The following TUSC3 variants were observed in gnomAD, a reference collection of about 807,000 sequenced individuals.
TUSC3 encodes tumor suppressor candidate 3.
A neutral mutation model predicts 44.8 loss-of-function variants in TUSC3; 45 were observed. That is an observed-to-expected ratio of 1.00 (90% CI 0.79 to 1.29). TUSC3 has a LOEUF of 1.29. Ranked by LOEUF, TUSC3 falls within the 50% of genes most tolerant of loss-of-function variation. The pLI is 0.00. For synonymous variants in TUSC3, 212 were observed against 152.9 expected, an observed-to-expected ratio of 1.39 and a Z score of -2.85; for missense variants, 519 against 437.9, an observed-to-expected ratio of 1.19 and a Z score of -1.65.
At chr8:15,666,743 A>C (rs528932000) in intron 5 of TUSC3, among the ~76,000 whole-genome samples, 2 of 151,418 alleles carry the variant, frequency 1.3e-5, no homozygotes, top group Non-Finnish European at 3.0e-5. Context: ...TTTTTCAATG[A>C]AATAATGTTG....
At chr8:15,774,771 G>A in the TUSC3 span, among the ~76,000 whole-genome samples, 1 of 151,094 alleles carries the variant, frequency 6.6e-6, no homozygotes, top group Admixed American at 6.6e-5. Flanking sequence ...AAATCAAAAT[G>A]ACATATCACT....
intron 10 of TUSC3, among the ~76,000 whole-genome samples, chr8:15,758,645 G>A (rs1416345253): frequency 2.0e-5 from 3 of 152,052 alleles, no homozygotes; most frequent in Non-Finnish European, 2.9e-5. Flanking sequence ...GGAAGCTCCT[G>A]TGTTCCAAAA....
At chr8:15,629,617 G>T (rs1805670438) in intron 2 of TUSC3, among the ~76,000 whole-genome samples, 1 of 145,330 alleles carries the variant, frequency 6.9e-6, no homozygotes. Flanking sequence ...TGTACTTTTG[G>T]ACCACTTCTG....
intron 1 of TUSC3, among the ~76,000 whole-genome samples, chr8:15,604,841 A>T (rs981813037): frequency 6.6e-6 from 1 of 151,888 alleles, no homozygotes; most frequent in Non-Finnish European, 1.5e-5. Flanking sequence ...AGAATCTCCA[A>T]ACTTTATCTT....
chr8:15,829,237 A>C, the TUSC3 span, among the ~76,000 whole-genome samples: 1 of 152,208 alleles, frequency 6.6e-6, no homozygotes, highest in Non-Finnish European at 1.5e-5. Context: ...AAAATGTTGC[A>C]AAGAATCAAC....
chr8:15,849,556 C>G, the TUSC3 span, among the ~76,000 whole-genome samples: 1 of 152,266 alleles, frequency 6.6e-6, no homozygotes, highest in Non-Finnish European at 1.5e-5. Context: ...AAGAAAGCCA[C>G]CAGGAGTTAC....
chr8:15,754,740 T>C (rs138262207), intron 9 of TUSC3, among the ~76,000 whole-genome samples: 276 of 152,192 alleles, frequency 1.8e-3, no homozygotes, highest in African/African-American at 6.5e-3. Context: ...TACAGGACTG[T>C]ATCCATAATT....
At chr8:15,418,033 C>T (rs767676830) in intron 1 of TUSC3, among the ~76,000 whole-genome samples, 23 of 152,084 alleles carry the variant, frequency 1.5e-4, no homozygotes, top group Admixed American at 5.9e-4. Context: ...TCCCAGGTTC[C>T]GTTAGATAGA....
chr8:15,794,552 T>A, the TUSC3 span, among the ~76,000 whole-genome samples: 1 of 152,188 alleles, frequency 6.6e-6, no homozygotes, highest in Non-Finnish European at 1.5e-5. Flanking sequence ...GCCATTAGAT[T>A]CCTTGTTAGA....
chr8:15,658,639 TAC>T (rs57739356), intron 3 of TUSC3, among the ~76,000 whole-genome samples: 420 of 148,628 alleles, frequency 2.8e-3, no homozygotes, highest in East Asian at 0.017. Flanking sequence ...CACATATATA[TAC>T]ACACACACAC....
intron 6 of TUSC3, among the ~76,000 whole-genome samples, chr8:15,680,470 C>T (rs1395293470): frequency 2.6e-5 from 4 of 151,940 alleles, no homozygotes; most frequent in Non-Finnish European, 5.9e-5. Context: ...TTACTGAAAT[C>T]GTTTATAAAG....
rs562075213 is a variant in TUSC3 at position 15,508,294 on chromosome 8, A to C, written n.189+24811A>C. Among the ~76,000 whole-genome samples the C allele has an allele frequency of 1.1e-4, 16 of 152,076 alleles. 1 individual carries two copies. The highest frequency in any genetic ancestry group is 3.9e-4 in the African/African-American group (16 of 41,424). ...AACAAAACCTTGCTCTGGACAAATTATGGGTAATAAAAAATTTTGTTGGAT... is the reference window on the plus strand; with the variant it reads ...AACAAAACCTTGCTCTGGACAAATTCTGGGTAATAAAAAATTTTGTTGGAT... On this transcript the variant is annotated intron_variant and non_coding_transcript_variant, in intron 2 of 5. Coordinates refer to the TUSC3 transcript ENST00000503191.
chr8:15,778,831 C>T, the TUSC3 span, among the ~76,000 whole-genome samples: 3 of 152,164 alleles, frequency 2.0e-5, no homozygotes, highest in Admixed American at 6.5e-5. Context: ...CACCAAGAAA[C>T]TCTTTATGCA....
chr8:15,620,156 A>G lies in TUSC3; in HGVS notation c.139-2924A>G, dbSNP rs539164711. Among the ~76,000 whole-genome samples, 6 of 152,316 alleles carry G rather than the reference A, an allele frequency of 3.9e-5. No homozygotes were observed. In the South Asian group the frequency reaches 6.2e-4, roughly 16 times the overall value. On this transcript the variant is annotated intron_variant, in intron 1 of 10. Coordinates refer to ENST00000503731, the MANE Select transcript of TUSC3 (RefSeq NM_006765.4). ...TGTGTACACCATAAAGAGATAGAAG[A>G]TGAATAAGAATGAATACTCTAATCT...
the TUSC3 span, among the ~76,000 whole-genome samples, chr8:15,784,736 G>T: frequency 6.6e-6 from 1 of 152,078 alleles, no homozygotes; most frequent in African/African-American, 2.4e-5. Context: ...GCAGAGAATG[G>T]AATGATGGCT....
the TUSC3 span, among the ~76,000 whole-genome samples, chr8:15,800,229 T>C: frequency 2.0e-5 from 3 of 152,250 alleles, no homozygotes; most frequent in South Asian, 6.2e-4. Flanking sequence ...AAATTTGCTC[T>C]TTGTAGCTTT....
rs540402674 is a variant in TUSC3, at chr8:15,509,214, T to C, written n.189+25731T>C. Among the ~76,000 whole-genome samples, 9 of 152,338 alleles carry C rather than the reference T, an allele frequency of 5.9e-5. No homozygotes were observed. The South Asian group carries it at 1.7e-3, about 28-fold the overall frequency. On this transcript the variant is annotated intron_variant and non_coding_transcript_variant, in intron 2 of 5. Coordinates refer to the TUSC3 transcript ENST00000503191. ...ACAGAAGAGCAAATATTGGAGATGA[T>C]AGTCTTTTCTTCTTTCTTGATGCTC...
intron 7 of TUSC3, among the ~76,000 whole-genome samples, chr8:15,733,238 A>G (rs1255675789): frequency 8.5e-5 from 13 of 152,210 alleles, no homozygotes. Context: ...CTTACTATTT[A>G]AAGATATTCA....
At chr8:15,668,375 C>T (rs75460837) in intron 5 of TUSC3, among the ~76,000 whole-genome samples, 3,399 of 151,634 alleles carry the variant, frequency 0.022, 124 homozygotes, top group African/African-American at 0.076. Flanking sequence ...TGTTTCAGTG[C>T]ATTTACCTTT....
Sources: gnomAD v4.1 joint callset for allele counts (sites outside exome capture counted in the v4.1 genomes callset) on GRCh38, gnomAD v4.1.1 for gene constraint, MANE v1.5 for transcripts, NCBI Gene and HGNC (gene_info 2026-07-23, HGNC 2026-07-21) for gene names.